XPA: variants seen among roughly 807,000 people sequenced by gnomAD.
XPA encodes DNA repair protein complementing XP-A cells.
Under a neutral mutation model 35.7 loss-of-function variants are expected in XPA, and 27 were observed. That is an observed-to-expected ratio of 0.76 (90% CI 0.56 to 1.04). The LOEUF is 1.04. Among genes scored for constraint, XPA ranks in the 50% least tolerant of loss-of-function variants. The probability of loss-of-function intolerance (pLI) is 0.00; values close to 1 mark genes in which losing one functional copy is unlikely to be tolerated. For synonymous variants in XPA, 133 were observed against 118.4 expected, an observed-to-expected ratio of 1.12 and a Z score of -0.80; for missense variants, 354 against 342.7, an observed-to-expected ratio of 1.03 and a Z score of -0.26.
chr9:97,664,309 G>A, the XPA span: 1 of 1,370,372 alleles, frequency 7.3e-7, no homozygotes, highest in Non-Finnish European at 1.0e-6. Flanking sequence ...ATGTGTGTGT[G>A]TGATTTACTT....
At position 97,697,320 on chromosome 9, in the gene XPA, C is replaced by T. The variant is rs749258021; in HGVS notation, c.-28G>A. 30 of 1,596,434 alleles carry T rather than the reference C, an allele frequency of 1.9e-5. No individual in the cohort carries two copies. In the African/African-American group the frequency reaches 2.7e-4, roughly 14 times the overall value. On this transcript the variant is annotated 5_prime_UTR_variant, in exon 1 of 6. Transcript: ENST00000375128. ...CTGGCCCACTCCGAGGACCTAGCTC[C>T]CAGCTCCACGCACGCGCACTGCACG...
At chr9:97,659,786 T>G in the XPA span, among the ~76,000 whole-genome samples, 69 of 152,354 alleles carry the variant, frequency 4.5e-4, no homozygotes, top group East Asian at 0.012. Flanking sequence ...TGTTGAAGAT[T>G]AAGCTTTCTT....
At chr9:97,675,832 A>G in intron 5 of XPA, 1 of 559,668 alleles carries the variant, frequency 1.8e-6, no homozygotes, top group Admixed American at 3.0e-5. Context: ...GAGATTCAGA[A>G]ATGGTTATGT....
chr9:97,693,128 A>G (rs1243718599), intron 2 of XPA, among the ~76,000 whole-genome samples: 1 of 149,914 alleles, frequency 6.7e-6, no homozygotes, highest in African/African-American at 2.5e-5. Flanking sequence ...AAGTGTTTCT[A>G]TCTTTTTCCC....
At chr9:97,690,159 C>T (rs1828841654) in intron 2 of XPA, among the ~76,000 whole-genome samples, 1 of 152,222 alleles carries the variant, frequency 6.6e-6, no homozygotes, top group Non-Finnish European at 1.5e-5. Flanking sequence ...CACACGGCAT[C>T]ACCCACTTCT....
chr9:97,677,340 A>G (rs1265265185), intron 5 of XPA, among the ~76,000 whole-genome samples: 1 of 152,170 alleles, frequency 6.6e-6, no homozygotes, highest in Non-Finnish European at 1.5e-5. Context: ...GAATAAAGCC[A>G]TATCTTTAAT....
intron 2 of XPA, among the ~76,000 whole-genome samples, chr9:97,692,260 C>T (rs1828917213): frequency 6.6e-6 from 1 of 151,850 alleles, no homozygotes; most frequent in Non-Finnish European, 1.5e-5. Context: ...CATTACACTC[C>T]AGCCTGGGCA....
At chr9:97,666,714 C>T in the XPA span, 1 of 1,246,924 alleles carries the variant, frequency 8.0e-7, no homozygotes, top group African/African-American at 1.5e-5. Flanking sequence ...ATTTTATTTT[C>T]TGTAACCATA....
intron 1 of XPA, among the ~76,000 whole-genome samples, chr9:97,695,252 T>G (rs896426158): frequency 2.6e-5 from 4 of 152,234 alleles, no homozygotes; most frequent in Non-Finnish European, 5.9e-5. Flanking sequence ...TTTATTCTGC[T>G]ACAGTCACTC....
intron 5 of XPA, chr9:97,682,510 G>A (rs1280771634): frequency 7.9e-6 from 4 of 506,630 alleles, no homozygotes; most frequent in Non-Finnish European, 1.6e-5. Flanking sequence ...AGAAGACAGT[G>A]GAGTAATGTT....
At chr9:97,675,982 G>A (rs1476229529) in intron 5 of XPA, 1 of 224,792 alleles carries the variant, frequency 4.4e-6, no homozygotes, top group Non-Finnish European at 8.9e-6. Context: ...AGAAAAAGGA[G>A]TGTTTTTAAG....
chr9:97,669,018 T>C, the XPA span: 1 of 1,521,258 alleles, frequency 6.6e-7, no homozygotes, highest in South Asian at 1.2e-5. Flanking sequence ...AAACAATACA[T>C]TTCTTTAGTT....
chr9:97,660,577 C>T, the XPA span, among the ~76,000 whole-genome samples: 6 of 152,138 alleles, frequency 3.9e-5, no homozygotes, highest in Non-Finnish European at 7.3e-5. Context: ...AAGAGAAGTA[C>T]GTTGGTTCTG....
chr9:97,696,414 A>C (rs1458447866), intron 1 of XPA, among the ~76,000 whole-genome samples: 2 of 152,230 alleles, frequency 1.3e-5, no homozygotes, highest in African/African-American at 4.8e-5. Context: ...ACTTCAATCA[A>C]TAAACACGTT....
the XPA span, among the ~76,000 whole-genome samples, chr9:97,657,940 T>C: frequency 2.1e-5 from 3 of 142,782 alleles, no homozygotes; most frequent in Non-Finnish European, 4.5e-5. Flanking sequence ...TTTTTTTTTT[T>C]TTTAACGTCC....
chr9:97,675,236 G>T lies in XPA; in HGVS notation c.*203C>A. 1 of 680,946 alleles carries T rather than the reference G, an allele frequency of 1.5e-6. No homozygotes were observed. Among genetic ancestry groups the T allele is most frequent in the Non-Finnish European group, 2.6e-6 (1 of 379,602 alleles). The allele number at this position is 680,946 out of a possible 1,614,324, so 42.2% of individuals were successfully genotyped here. ...AGAAGGCAATCACAGACATGACATT[G>T]TGCACACAACCAGGCCAGGTGACCT... is the stretch of plus-strand genomic sequence containing the variant. On this transcript the variant is annotated 3_prime_UTR_variant, in exon 6 of 6. Coordinates refer to ENST00000375128, the MANE Select transcript of XPA (RefSeq NM_000380.4).
chr9:97,660,873 G>A, the XPA span: 1 of 1,498,138 alleles, frequency 6.7e-7, no homozygotes, highest in Non-Finnish European at 8.9e-7. Context: ...ATTTTTCTCA[G>A]TTATTTAACT....
At chr9:97,658,955 T>A in the XPA span, among the ~76,000 whole-genome samples, 1 of 152,254 alleles carries the variant, frequency 6.6e-6, no homozygotes, top group African/African-American at 2.4e-5. Context: ...TACTGGCTTA[T>A]CATTTTTTCT....
chr9:97,681,066 G>A (rs1007632915), intron 5 of XPA, among the ~76,000 whole-genome samples: 11 of 152,174 alleles, frequency 7.2e-5, no homozygotes, highest in Non-Finnish European at 4.4e-5. Flanking sequence ...TTTTACAGAC[G>A]AAAAAATTCT....
Sources: gnomAD v4.1 joint callset for allele counts (sites outside exome capture counted in the v4.1 genomes callset) on GRCh38, gnomAD v4.1.1 for gene constraint, MANE v1.5 for transcripts, NCBI Gene and HGNC (gene_info 2026-07-23, HGNC 2026-07-21) for gene names.